The following TRPM3 variants were observed in gnomAD, a reference collection of about 807,000 sequenced individuals.
TRPM3 encodes transient receptor potential cation channel subfamily M member 3, also known as long transient receptor potential channel 3.
Under a neutral mutation model 181.2 loss-of-function variants are expected in TRPM3, and 77 were observed. That is an observed-to-expected ratio of 0.42 (90% CI 0.35 to 0.51). TRPM3 has a LOEUF of 0.51. Ranked by LOEUF, TRPM3 falls within the 20% of genes least tolerant of loss-of-function variation. The probability of loss-of-function intolerance (pLI) is 0.01; values close to 1 mark genes in which losing one functional copy is unlikely to be tolerated. For missense variants in TRPM3, 1,759 were observed against 2,196.7 expected (o/e 0.80, Z 3.98); for synonymous variants, 745 against 796.4 (o/e 0.94, Z 1.09).
intron 1 of TRPM3, among the ~76,000 whole-genome samples, chr9:71,231,460 C>G (rs906066746): frequency 1.3e-5 from 2 of 152,280 alleles, no homozygotes; most frequent in East Asian, 3.9e-4. Context: ...TCCATAGAGC[C>G]TTCAAAGAAA....
chr9:70,810,913 T>C (rs2091902426), intron 6 of TRPM3, among the ~76,000 whole-genome samples: 1 of 152,204 alleles, frequency 6.6e-6, no homozygotes, highest in East Asian at 1.9e-4. Context: ...AGCATGGTGC[T>C]TGGAACCTAA....
chr9:70,643,789 G>C (rs2058423104), intron 9 of TRPM3, among the ~76,000 whole-genome samples: 1 of 152,198 alleles, frequency 6.6e-6, no homozygotes, highest in Non-Finnish European at 1.5e-5. Flanking sequence ...ATTGGTCCTG[G>C]GCATTGCGGT....
At chr9:70,554,788 G>A (rs2047254883) in intron 22 of TRPM3, among the ~76,000 whole-genome samples, 1 of 152,204 alleles carries the variant, frequency 6.6e-6, no homozygotes, top group Non-Finnish European at 1.5e-5. Flanking sequence ...AGGACACCAA[G>A]ACCTGGTTTT....
At chr9:70,781,543 C>A (rs949896122) in intron 7 of TRPM3, among the ~76,000 whole-genome samples, 72 of 151,640 alleles carry the variant, frequency 4.7e-4, no homozygotes, top group Non-Finnish European at 8.8e-4. Context: ...AAAGAGGAAG[C>A]TGAAGACAAC....
At chr9:70,788,172 C>G (rs1418906093) in intron 6 of TRPM3, among the ~76,000 whole-genome samples, 2 of 115,722 alleles carry the variant, frequency 1.7e-5, no homozygotes, top group Admixed American at 1.0e-4. Flanking sequence ...CTCCCCCCAC[C>G]CCACCACAGT....
In TRPM3 at chr9:71,417,043, T is replaced by C. The variant is rs142450771; in HGVS notation, c.183+29610A>G. On this transcript the variant is annotated intron_variant, in intron 1 of 24. Coordinates refer to the TRPM3 transcript ENST00000357533. ...TGCTGAATATTTCATTGTAGAGATA[T>C]ATCACAATTCATTTGTTTATCTATT... is the stretch of plus-strand genomic sequence containing the variant. 7.5e-3 allele frequency among the ~76,000 whole-genome samples: 1,144 copies of C among 152,154 alleles called. 3 individuals carry two copies. Among genetic ancestry groups the C allele is most frequent in the Non-Finnish European group, 0.013 (859 of 67,936 alleles).
intron 1 of TRPM3, among the ~76,000 whole-genome samples, chr9:71,440,040 G>A (rs1004022680): frequency 6.6e-6 from 1 of 152,040 alleles, no homozygotes; most frequent in Non-Finnish European, 1.5e-5. Flanking sequence ...GGAGAATGGC[G>A]TGAACCCAGG....
chr9:71,226,237 C>G (rs1331353246), intron 1 of TRPM3, among the ~76,000 whole-genome samples: 1 of 151,412 alleles, frequency 6.6e-6, no homozygotes, highest in East Asian at 1.9e-4. Context: ...AGAAAATCAC[C>G]TTCATTAAAA....
rs1354261959 is a variant in TRPM3 at position 71,148,592 on chromosome 9, AAAAACATGAACCAAG to A, written c.184-284096_184-284082del. On this transcript the variant is annotated intron_variant, in intron 1 of 24. Coordinates refer to the TRPM3 transcript ENST00000357533. ...AGACTGACACCTGGAAAATCTTAGG[AAAAACATGAACCAAG>A]AAAACATGAACCAAGAATTTTATAC... 3.5e-4 allele frequency among the ~76,000 whole-genome samples: 53 copies of A among 152,184 alleles called. 1 individual carries two copies. The highest frequency in any genetic ancestry group is 3.3e-3 in the Admixed American group (51 of 15,264).
chr9:70,831,199 C>G (rs528642491), intron 5 of TRPM3, among the ~76,000 whole-genome samples: 1 of 152,112 alleles, frequency 6.6e-6, no homozygotes, highest in Non-Finnish European at 1.5e-5. Context: ...TCATAGCAAA[C>G]GTACCAGCAA....
chr9:71,395,745 C>T (rs756689399), intron 1 of TRPM3, among the ~76,000 whole-genome samples: 4 of 152,158 alleles, frequency 2.6e-5, no homozygotes, highest in Admixed American at 6.6e-5. Flanking sequence ...ACTAGGTTCA[C>T]GGAATGTGCT....
At chr9:70,546,501 C>G (rs2044929826) in intron 25 of TRPM3, among the ~76,000 whole-genome samples, 1 of 152,188 alleles carries the variant, frequency 6.6e-6, no homozygotes, top group South Asian at 2.1e-4. Flanking sequence ...TTCCTGAGGA[C>G]TGAGGCCTGC....
chr9:70,632,469 T>C (rs1279184530), intron 12 of TRPM3, among the ~76,000 whole-genome samples: 1 of 152,258 alleles, frequency 6.6e-6, no homozygotes, highest in Non-Finnish European at 1.5e-5. Context: ...ACCTTAGTCC[T>C]GGAAATAATG....
intron 1 of TRPM3, among the ~76,000 whole-genome samples, chr9:70,933,285 T>C (rs766242797): frequency 7.2e-5 from 11 of 152,074 alleles, no homozygotes; most frequent in Non-Finnish European, 1.5e-4. Context: ...GGTTTATAGA[T>C]AGGAACTAAA....
rs1038287113 is a variant in TRPM3 at position 71,131,451 on chromosome 9, A to G, written c.184-266940T>C. ...AATCTACGAATGGAATGTAATTTCT[A>G]TAGGGCAATTGTCGACTGTATCCCA... On this transcript the variant is annotated intron_variant, in intron 1 of 24. Transcript: ENST00000357533. Among the ~76,000 whole-genome samples, 7 of 152,340 alleles carry G rather than the reference A, an allele frequency of 4.6e-5. No homozygotes were observed. The East Asian group carries it at 1.2e-3, about 25-fold the overall frequency.
chr9:71,089,143 GAATA>G (rs2065773318), intron 1 of TRPM3, among the ~76,000 whole-genome samples: 1 of 146,104 alleles, frequency 6.8e-6, no homozygotes, highest in African/African-American at 2.5e-5. Flanking sequence ...TATTATATAT[GAATA>G]TATATTTTAT....
At chr9:70,982,214 A>C (rs2097370674) in intron 1 of TRPM3, among the ~76,000 whole-genome samples, 1 of 152,182 alleles carries the variant, frequency 6.6e-6, no homozygotes, top group African/African-American at 2.4e-5. Context: ...ATTTACTGAT[A>C]TCGTATAACA....
At chr9:70,614,783 G>T (rs757893986) in intron 18 of TRPM3, among the ~76,000 whole-genome samples, 46 of 152,142 alleles carry the variant, frequency 3.0e-4, no homozygotes, top group Non-Finnish European at 4.4e-5. Context: ...CAGAGCACAT[G>T]TTCAGCTGAA....
intron 1 of TRPM3, among the ~76,000 whole-genome samples, chr9:70,965,735 T>G (rs1329175396): frequency 6.6e-6 from 1 of 152,028 alleles, no homozygotes; most frequent in African/African-American, 2.4e-5. Context: ...AGGCCAAGGA[T>G]ATTGGCCTGA....
Sources: allele counts gnomAD v4.1 joint callset (sites outside exome capture counted in the v4.1 genomes callset), GRCh38; gene constraint gnomAD v4.1.1; transcripts MANE v1.5; gene names NCBI Gene and HGNC (gene_info 2026-07-23, HGNC 2026-07-21).